Variants in MECOM observed in about 807,000 individuals in gnomAD.
MECOM encodes MDS1 and EVI1 complex locus.
In MECOM, 13 loss-of-function variants were observed where a neutral mutation model predicts 116.3. That is an observed-to-expected ratio of 0.11 (90% confidence interval 0.07 to 0.18). The LOEUF (loss-of-function observed/expected upper bound fraction) is 0.18. Among genes scored for constraint, MECOM ranks in the 10% least tolerant of loss-of-function variants. The pLI, the probability that MECOM is intolerant of heterozygous loss-of-function variation, is 1.00. For missense variants in MECOM, 1,299 were observed against 1,509.0 expected, an observed-to-expected ratio of 0.86 and a Z score of 2.31; for synonymous variants, 528 against 535.2, an observed-to-expected ratio of 0.99 and a Z score of 0.19.
intron 2 of MECOM, among the ~76,000 whole-genome samples, chr3:169,192,691 G>C (rs1747873105): frequency 6.6e-6 from 1 of 151,966 alleles, no homozygotes; most frequent in African/African-American, 2.4e-5. Flanking sequence ...TGAATGACCA[G>C]ATTTTCATTC....
intron 11 of MECOM, 101 bp downstream of exon 11, chr3:169,101,959 T>G: frequency 3.6e-6 from 4 of 1,124,308 alleles, no homozygotes; most frequent in Middle Eastern, 6.3e-4. Flanking sequence ...TGGTGGCTAT[T>G]AATCATCTAA....
chr3:169,325,098 G>A (rs1721622414), intron 2 of MECOM, among the ~76,000 whole-genome samples: 1 of 152,140 alleles, frequency 6.6e-6, no homozygotes, highest in Non-Finnish European at 1.5e-5. Flanking sequence ...TATGAATAGT[G>A]AAAAGTTTTC....
intron 2 of MECOM, among the ~76,000 whole-genome samples, chr3:169,221,286 T>C (rs1371366818): frequency 1.3e-5 from 2 of 152,196 alleles, no homozygotes; most frequent in African/African-American, 2.4e-5. Flanking sequence ...ATCACCTTTG[T>C]CCTAATTTTA....
At chr3:169,428,746 A>AT (rs1741133075) in intron 1 of MECOM, among the ~76,000 whole-genome samples, 1 of 152,178 alleles carries the variant, frequency 6.6e-6, no homozygotes, top group South Asian at 2.1e-4. Context: ...TCTTAAGGCT[A>AT]TTATCTACTT....
chr3:169,401,251 C>T (rs968271774), intron 1 of MECOM, among the ~76,000 whole-genome samples: 3 of 152,174 alleles, frequency 2.0e-5, no homozygotes, highest in South Asian at 2.1e-4. Context: ...CTGCCTTAAG[C>T]TAGGTTCCCC....
At chr3:169,381,660 T>C (rs1343142825) in intron 1 of MECOM, 136 bp from the exon 2 acceptor site, 24 of 696,440 alleles carry the variant, frequency 3.4e-5, no homozygotes, top group Non-Finnish European at 5.1e-5. Flanking sequence ...TTCATTAAAA[T>C]CTTTATTATT....
At chr3:169,160,303 A>AT (rs1014983404) in intron 2 of MECOM, among the ~76,000 whole-genome samples, 5 of 152,028 alleles carry the variant, frequency 3.3e-5, no homozygotes, top group Non-Finnish European at 4.4e-5. Context: ...TTGGAGACAG[A>AT]TAAAAAAAAA....
At chr3:169,249,719 A>C (rs1756018374) in intron 2 of MECOM, among the ~76,000 whole-genome samples, 1 of 152,226 alleles carries the variant, frequency 6.6e-6, no homozygotes. Flanking sequence ...TTTAAAGCCA[A>C]ATAGAGTTCT....
chr3:169,147,470 CTGA>C (rs1320344182), intron 2 of MECOM: 2 of 985,460 alleles, frequency 2.0e-6, no homozygotes, highest in Non-Finnish European at 2.4e-6. Context: ...CCAGAGTGAT[CTGA>C]TCGGAAGCCA....
intron 2 of MECOM, among the ~76,000 whole-genome samples, chr3:169,183,813 CACACACAT>C (rs1415576411): frequency 1.2e-3 from 48 of 40,526 alleles, no homozygotes; most frequent in African/African-American, 6.0e-3. Context: ...CACACACACA[CACACACAT>C]ATATATATAT....
intron 1 of MECOM, among the ~76,000 whole-genome samples, chr3:169,480,456 C>T (rs1302872229): frequency 6.6e-6 from 1 of 152,196 alleles, no homozygotes; most frequent in African/African-American, 2.4e-5. Context: ...CTCCCCCAAC[C>T]CCTTCCCCTG....
Position 169,102,138 on chromosome 3 carries a change from G to T in MECOM, c.2693C>A (p.Ser898Tyr). 6.2e-7 allele frequency: 1 copy of T among 1,613,946 alleles called. No homozygotes were observed. Among genetic ancestry groups the T allele is most frequent in the Non-Finnish European group, 8.5e-7 (1 of 1,179,906 alleles). ...GGGAGGCGCCCTGAAGTTGAACATA[G>T]AGGGCACTGACTGTAAGAGCTCACT... ...EASELLQSVP[S>Y]MFNFRAPPNA... The change falls in exon 11 of 17, where the codon TCT becomes TAT. Residue 898 changes from serine to tyrosine, a missense_variant. Coordinates refer to ENST00000651503, the MANE Select transcript of MECOM (RefSeq NM_004991.4).
chr3:169,263,330 G>A (rs896519644), intron 2 of MECOM, among the ~76,000 whole-genome samples: 3 of 150,974 alleles, frequency 2.0e-5, no homozygotes, highest in African/African-American at 4.9e-5. Flanking sequence ...GGGTTTCACC[G>A]TGTTAGCCAA....
chr3:169,165,555 C>T (rs189732767), intron 2 of MECOM, among the ~76,000 whole-genome samples: 3 of 152,102 alleles, frequency 2.0e-5, no homozygotes, highest in African/African-American at 7.2e-5. Context: ...GTGAGCTGTC[C>T]CCCTGGCTTT....
chr3:169,387,669 ATTAT>A (rs1231478007), intron 1 of MECOM, among the ~76,000 whole-genome samples: 4 of 152,214 alleles, frequency 2.6e-5, no homozygotes, highest in Non-Finnish European at 5.9e-5. Flanking sequence ...TAAGAAGTTA[ATTAT>A]TTATACTCAA....
rs117580222 is a variant in MECOM, at chr3:169,413,244, C to T, written c.38-31720G>A. 9.9e-4 allele frequency among the ~76,000 whole-genome samples: 150 copies of T among 152,250 alleles called. 2 individuals carry two copies. The East Asian group carries it at 0.02, about 20-fold the overall frequency. ...GTGAGGCATTGCCTCACCTGCAAAG[C>T]GCAAGGGGTTGGGGAACTCCATCCC... On this transcript the variant is annotated intron_variant, in intron 1 of 16. Transcript: ENST00000651503.
chr3:169,162,147 T>A (rs1047477947), intron 2 of MECOM, among the ~76,000 whole-genome samples: 3 of 152,220 alleles, frequency 2.0e-5, no homozygotes, highest in Admixed American at 6.5e-5. Context: ...AGAATTCAGT[T>A]GCCTGATGTC....
At chr3:169,144,120 G>A (rs1738980433) in intron 2 of MECOM, among the ~76,000 whole-genome samples, 1 of 152,118 alleles carries the variant, frequency 6.6e-6, no homozygotes, top group Non-Finnish European at 1.5e-5. Context: ...TTTATCCAAT[G>A]TGATTTTTGC....
intron 1 of MECOM, among the ~76,000 whole-genome samples, chr3:169,512,924 T>C (rs1233822944): frequency 6.6e-6 from 1 of 152,226 alleles, no homozygotes; most frequent in Non-Finnish European, 1.5e-5. Context: ...CTCCTAATCA[T>C]GGCTGGGCAC....
Sources: allele counts gnomAD v4.1 joint callset (sites outside exome capture counted in the v4.1 genomes callset), GRCh38; gene constraint gnomAD v4.1.1; transcripts MANE v1.5; gene names NCBI Gene and HGNC (gene_info 2026-07-23, HGNC 2026-07-21).